PLSCR2: variants seen among roughly 807,000 people sequenced by gnomAD.
PLSCR2 encodes phospholipid scramblase 2.
A neutral mutation model predicts 25.3 loss-of-function variants in PLSCR2; 18 were observed. That is an observed-to-expected ratio of 0.71 (90% CI 0.49 to 1.06). PLSCR2 has a LOEUF of 1.06. Ranked by LOEUF, PLSCR2 falls within the 50% of genes least tolerant of loss-of-function variation. PLSCR2 has a pLI of 0.00. For synonymous variants in PLSCR2, 88 were observed against 87.3 expected, an observed-to-expected ratio of 1.01 and a Z score of -0.04; for missense variants, 243 against 269.5, an observed-to-expected ratio of 0.90 and a Z score of 0.69.
intron 5 of PLSCR2, among the ~76,000 whole-genome samples, chr3:146,452,981 C>T (rs913466810): frequency 2.6e-5 from 4 of 151,700 alleles, no homozygotes; most frequent in Non-Finnish European, 4.4e-5. Flanking sequence ...ATTTCATATA[C>T]ATATATATGT....
upstream of PLSCR2, among the ~76,000 whole-genome samples, chr3:146,461,427 G>T (rs1199944577): frequency 6.6e-6 from 1 of 151,926 alleles, no homozygotes; most frequent in Non-Finnish European, 1.5e-5. Flanking sequence ...TGGAATCAGG[G>T]GATACAGCTA....
intron 2 of PLSCR2, among the ~76,000 whole-genome samples, chr3:146,405,322 G>A (rs1352621613): frequency 6.6e-6 from 1 of 152,108 alleles, no homozygotes; most frequent in Non-Finnish European, 1.5e-5. Context: ...TGAATTCTTG[G>A]GAATTGCGGA....
At chr3:146,430,869 T>A (rs957773363), downstream of PLSCR2, among the ~76,000 whole-genome samples, 4 of 151,604 alleles carry the variant, frequency 2.6e-5, no homozygotes, top group African/African-American at 7.3e-5. Flanking sequence ...GCCCAGAAAT[T>A]CCTTCCCAAT....
chr3:146,409,297 G>T (rs1482366632), intron 2 of PLSCR2, among the ~76,000 whole-genome samples: 1 of 152,126 alleles, frequency 6.6e-6, no homozygotes, highest in Admixed American at 6.5e-5. Context: ...GAGACATGGG[G>T]TGACCCTAAG....
chr3:146,484,104 A>G (rs575936982), intron 1 of PLSCR2, among the ~76,000 whole-genome samples: 2 of 151,892 alleles, frequency 1.3e-5, no homozygotes, highest in Non-Finnish European at 2.9e-5. Context: ...AAATGACCTG[A>G]TGGAGCTGAA....
chr3:146,481,510 T>C (rs975804302), intron 1 of PLSCR2, among the ~76,000 whole-genome samples: 3 of 152,140 alleles, frequency 2.0e-5, no homozygotes, highest in Non-Finnish European at 4.4e-5. Flanking sequence ...TACCTGGGAA[T>C]TGAACTTACA....
At chr3:146,427,991 T>C (rs1300718934) in intron 2 of PLSCR2, among the ~76,000 whole-genome samples, 1 of 152,176 alleles carries the variant, frequency 6.6e-6, no homozygotes, top group African/African-American at 2.4e-5. Flanking sequence ...CACAAATGCA[T>C]TTATATGAGT....
intron 1 of PLSCR2, among the ~76,000 whole-genome samples, chr3:146,487,030 T>C (rs2043370721): frequency 6.6e-6 from 1 of 152,142 alleles, no homozygotes; most frequent in East Asian, 1.9e-4. Context: ...TCAATAAACA[T>C]AATTCATCAC....
Position 146,486,186 on chromosome 3 carries a change from A to G in PLSCR2, c.-293+9709T>C, listed in dbSNP as rs558063299. 3.9e-5 allele frequency among the ~76,000 whole-genome samples: 6 copies of G among 152,318 alleles called. No individual in the cohort carries two copies. In the South Asian group the frequency reaches 1.2e-3, roughly 32 times the overall value. Reference sequence around the variant, plus strand: ...TAAAGCCGTGTTAAGAGGGAAATTTATAGCACTAAATGCCCACATCACAAA... The same window carrying G: ...TAAAGCCGTGTTAAGAGGGAAATTTGTAGCACTAAATGCCCACATCACAAA... On this transcript the variant is annotated intron_variant, in intron 1 of 8. Coordinates refer to the PLSCR2 transcript ENST00000336685.
upstream of PLSCR2, among the ~76,000 whole-genome samples, chr3:146,462,860 G>A (rs1173722123): frequency 6.6e-6 from 1 of 152,150 alleles, no homozygotes; most frequent in Admixed American, 6.6e-5. Context: ...AAGGGTAATT[G>A]AGCTAAAACT....
intron 1 of PLSCR2, among the ~76,000 whole-genome samples, chr3:146,472,485 C>T (rs777402756): frequency 6.6e-6 from 1 of 152,188 alleles, no homozygotes; most frequent in Non-Finnish European, 1.5e-5. Flanking sequence ...ACAAATCCAA[C>T]ACCAAGGTGC....
At chr3:146,462,917 T>A (rs2041682474), upstream of PLSCR2, among the ~76,000 whole-genome samples, 1 of 152,134 alleles carries the variant, frequency 6.6e-6, no homozygotes, top group African/African-American at 2.4e-5. Context: ...GTGGTTTATT[T>A]CCAAGCCTCT....
intron 1 of PLSCR2, among the ~76,000 whole-genome samples, chr3:146,465,987 A>G (rs1245006244): frequency 1.3e-5 from 2 of 152,354 alleles, no homozygotes; most frequent in African/African-American, 4.8e-5. Flanking sequence ...GCCTTTGAGT[A>G]CAAAGCACAC....
At chr3:146,465,244 T>G (rs1035041111), upstream of PLSCR2, among the ~76,000 whole-genome samples, 2 of 152,206 alleles carry the variant, frequency 1.3e-5, no homozygotes, top group Non-Finnish European at 2.9e-5. Context: ...CAATGCCGCA[T>G]GTAGCATCTC....
intron 2 of PLSCR2, among the ~76,000 whole-genome samples, chr3:146,412,734 G>T (rs977346784): frequency 6.6e-6 from 1 of 152,164 alleles, no homozygotes; most frequent in African/African-American, 2.4e-5. Flanking sequence ...TCCTGACGCA[G>T]ATAGCCCCTA....
intron 2 of PLSCR2, among the ~76,000 whole-genome samples, chr3:146,408,987 T>G (rs974007341): frequency 9.2e-5 from 14 of 152,216 alleles, no homozygotes; most frequent in African/African-American, 3.1e-4. Context: ...TCGGATACAT[T>G]TCCTCTCTTC....
At chr3:146,470,371 C>A (rs1349928170) in intron 1 of PLSCR2, among the ~76,000 whole-genome samples, 1 of 151,932 alleles carries the variant, frequency 6.6e-6, no homozygotes. Context: ...ATGGTGAAAC[C>A]CCGTCTCTAC....
At chr3:146,440,861 C>T (rs1351899920), downstream of PLSCR2, among the ~76,000 whole-genome samples, 2 of 152,042 alleles carry the variant, frequency 1.3e-5, no homozygotes, top group Non-Finnish European at 2.9e-5. Context: ...AACCTAAGAC[C>T]ACTAATGAAG....
At chr3:146,442,269 G>T (rs1247972700) in intron 6 of PLSCR2, among the ~76,000 whole-genome samples, 1 of 151,912 alleles carries the variant, frequency 6.6e-6, no homozygotes, top group Non-Finnish European at 1.5e-5. Flanking sequence ...TAACCAAAAA[G>T]GCAAACATTC....
Sources: allele counts gnomAD v4.1 joint callset (sites outside exome capture counted in the v4.1 genomes callset), GRCh38; gene constraint gnomAD v4.1.1; transcripts MANE v1.5; gene names NCBI Gene and HGNC (gene_info 2026-07-23, HGNC 2026-07-21).